Variants in CEP85L observed in about 807,000 individuals in gnomAD.
CEP85L encodes centrosomal protein of 85 kDa-like.
CEP85L carries 60 observed loss-of-function variants against 100.3 expected under a neutral mutation model. The ratio of observed to expected loss-of-function variants is 0.60; its 90% CI spans 0.49 to 0.74. The LOEUF is 0.74. CEP85L is among the 30% of genes least tolerant of loss of function. CEP85L has a pLI of 0.00. For synonymous variants in CEP85L, 319 were observed against 322.7 expected (o/e 0.99, Z 0.12); for missense variants, 973 against 936.2 (o/e 1.04, Z -0.51).
At chr6:118,660,517 C>A (rs1775936337) in intron 1 of CEP85L, among the ~76,000 whole-genome samples, 1 of 152,154 alleles carries the variant, frequency 6.6e-6, no homozygotes, top group African/African-American at 2.4e-5. Context: ...CTTACTTGAA[C>A]ACTATGATTT....
intron 1 of CEP85L, among the ~76,000 whole-genome samples, chr6:118,705,498 C>G (rs1777566576): frequency 6.6e-6 from 1 of 152,210 alleles, no homozygotes; most frequent in East Asian, 1.9e-4. Context: ...CAAATCCAGC[C>G]CTCCCTAGTA....
intron 5 of CEP85L, chr6:118,502,196 T>C: frequency 1.2e-6 from 1 of 839,884 alleles, no homozygotes; most frequent in Non-Finnish European, 1.9e-6. Context: ...ACTCCAGGGT[T>C]ATATTTGAAT....
intron 5 of CEP85L, chr6:118,502,934 G>C (rs1241186782): frequency 2.4e-6 from 1 of 411,970 alleles, no homozygotes; most frequent in Non-Finnish European, 4.6e-6. Flanking sequence ...TGGGAGTTGA[G>C]GCCACCTGGT....
chr6:118,565,503 A>G lies in CEP85L; in HGVS notation c.1020+26T>C, dbSNP rs184498881. ...GTACTCATAACATCCACTGGAGGGA[A>G]GCAAACACTAGATTTTGCACCTTAC... is the stretch of plus-strand genomic sequence containing the variant. On this transcript the variant is annotated intron_variant, in intron 3 of 12. Coordinates refer to ENST00000368491, the MANE Select transcript of CEP85L (RefSeq NM_001042475.3). 1.0e-4 allele frequency: 166 copies of G among 1,607,046 alleles called. No homozygotes were observed. The East Asian group carries it at 1.2e-3, about 11-fold the overall frequency.
At chr6:118,639,496 A>T (rs1160747719) in intron 1 of CEP85L, among the ~76,000 whole-genome samples, 1 of 152,174 alleles carries the variant, frequency 6.6e-6, no homozygotes, top group East Asian at 1.9e-4. Flanking sequence ...AGACTCTTTC[A>T]TGACTCCAAG....
intron 5 of CEP85L, chr6:118,501,921 C>T (rs2114668012): frequency 1.8e-6 from 2 of 1,094,828 alleles, no homozygotes; most frequent in Non-Finnish European, 2.7e-6. Flanking sequence ...AGTTTAAAAG[C>T]AGTAATTTAG....
intron 1 of CEP85L, among the ~76,000 whole-genome samples, chr6:118,675,705 C>T (rs973598394): frequency 6.6e-5 from 10 of 151,836 alleles, no homozygotes; most frequent in African/African-American, 1.9e-4. Flanking sequence ...AATTCAAAAT[C>T]GGCCTGGACA....
chr6:118,549,587 TAA>T (rs955669198), intron 3 of CEP85L, among the ~76,000 whole-genome samples: 5 of 151,818 alleles, frequency 3.3e-5, no homozygotes, highest in Admixed American at 1.3e-4. Flanking sequence ...CAGCTTTCCT[TAA>T]GACATAAAAA....
At chr6:118,505,712 C>A (rs572532961) in intron 5 of CEP85L, among the ~76,000 whole-genome samples, 4 of 152,120 alleles carry the variant, frequency 2.6e-5, no homozygotes, top group African/African-American at 7.2e-5. Context: ...GAGACCATAA[C>A]AAGTTCAGTG....
chr6:118,586,467 C>CCT (rs1282944429), intron 2 of CEP85L, among the ~76,000 whole-genome samples: 1 of 151,938 alleles, frequency 6.6e-6, no homozygotes, highest in Non-Finnish European at 1.5e-5. Context: ...AAAGGATCCT[C>CCT]CTCTCTCTCT....
At chr6:118,471,807 A>G (rs1489949311) in intron 10 of CEP85L, among the ~76,000 whole-genome samples, 2 of 151,350 alleles carry the variant, frequency 1.3e-5, no homozygotes, top group Admixed American at 1.3e-4. Context: ...GGCTCTCTGA[A>G]TACGTGTATT....
At chr6:118,600,300 GGTGT>G (rs59278037) in intron 2 of CEP85L, among the ~76,000 whole-genome samples, 3,233 of 52,224 alleles carry the variant, frequency 0.062, 792 homozygotes, top group Middle Eastern at 0.094. Context: ...CCTTCCTGGG[GGTGT>G]GTGTGTGTGT....
chr6:118,558,626 T>TGC (rs1779021401), intron 3 of CEP85L, among the ~76,000 whole-genome samples: 1 of 111,604 alleles, frequency 9.0e-6, no homozygotes, highest in African/African-American at 3.2e-5. Context: ...CACGTGCACA[T>TGC]ACACACACAC....
At chr6:118,600,296 TGG>T (rs1554228034) in intron 2 of CEP85L, among the ~76,000 whole-genome samples, 737 of 34,152 alleles carry the variant, frequency 0.022, 139 homozygotes, top group Admixed American at 0.09. Flanking sequence ...TGAGCCTTCC[TGG>T]GGGTGTGTGT....
In CEP85L at chr6:118,506,527, G is replaced by C. The variant is rs1298429481; in HGVS notation, c.1257+4771C>G. Reference sequence around the variant, plus strand: ...GGAAAAAGCTTCTGCTAATGTAGTAGGTAACCCTAAGCCTTTTGCTTTGCT... The same window carrying C: ...GGAAAAAGCTTCTGCTAATGTAGTACGTAACCCTAAGCCTTTTGCTTTGCT... On this transcript the variant is annotated intron_variant, in intron 5 of 12. Transcript: ENST00000368491. 9.2e-5 allele frequency among the ~76,000 whole-genome samples: 14 copies of C among 152,276 alleles called. No homozygotes were observed. In the East Asian group the frequency reaches 2.5e-3, roughly 27 times the overall value.
chr6:118,641,034 T>G (rs1774836828), intron 1 of CEP85L, among the ~76,000 whole-genome samples: 1 of 152,194 alleles, frequency 6.6e-6, no homozygotes. Context: ...ACTGAGCATG[T>G]GTAACTTTAA....
chr6:118,701,846 T>C (rs1418183937), intron 1 of CEP85L, among the ~76,000 whole-genome samples: 1 of 152,104 alleles, frequency 6.6e-6, no homozygotes, highest in East Asian at 1.9e-4. Context: ...ATTCACATGA[T>C]GGTTCATTCT....
At chr6:118,466,079 G>C (rs1175543121) in intron 12 of CEP85L, among the ~76,000 whole-genome samples, 1 of 152,166 alleles carries the variant, frequency 6.6e-6, no homozygotes, top group African/African-American at 2.4e-5. Flanking sequence ...GAGGAAGAGG[G>C]AGAGGAAGAG....
intron 2 of CEP85L, among the ~76,000 whole-genome samples, chr6:118,591,568 A>G (rs1781192724): frequency 6.6e-6 from 1 of 152,184 alleles, no homozygotes; most frequent in Non-Finnish European, 1.5e-5. Flanking sequence ...ACTTTCTGCA[A>G]CCAATCAGAC....
Sources: allele counts gnomAD v4.1 joint callset (sites outside exome capture counted in the v4.1 genomes callset), GRCh38; gene constraint gnomAD v4.1.1; transcripts MANE v1.5; gene names NCBI Gene and HGNC (gene_info 2026-07-23, HGNC 2026-07-21).